Variants in PDE4B observed in about 807,000 individuals in gnomAD.
PDE4B encodes the protein 3',5'-cyclic-AMP phosphodiesterase 4B.
A neutral mutation model predicts 82.2 loss-of-function variants in PDE4B; 20 were observed. That is an observed-to-expected ratio of 0.24 (90% CI 0.17 to 0.35). The LOEUF is 0.35. Among genes scored for constraint, PDE4B ranks in the 10% least tolerant of loss-of-function variants. The probability of loss-of-function intolerance (pLI) is 1.00; values close to 1 mark genes in which losing one functional copy is unlikely to be tolerated. For synonymous variants in PDE4B, 320 were observed against 318.9 expected (o/e 1.00, Z -0.04); for missense variants, 655 against 907.2 (o/e 0.72, Z 3.57).
At chr1:66,099,029 T>G (rs900825420) in intron 3 of PDE4B, among the ~76,000 whole-genome samples, 1 of 152,168 alleles carries the variant, frequency 6.6e-6, no homozygotes, top group Non-Finnish European at 1.5e-5. Context: ...AACAATTTCA[T>G]TTCATTTTAA....
At chr1:65,983,566 A>T (rs12732753) in intron 3 of PDE4B, among the ~76,000 whole-genome samples, 6 of 152,120 alleles carry the variant, frequency 3.9e-5, no homozygotes, top group Non-Finnish European at 7.4e-5. Flanking sequence ...CTTTATTAAA[A>T]ACGGTAATTG....
At chr1:65,904,550 A>T (rs1014762667) in intron 1 of PDE4B, among the ~76,000 whole-genome samples, 2 of 152,078 alleles carry the variant, frequency 1.3e-5, no homozygotes, top group Non-Finnish European at 2.9e-5. Context: ...TTTCATCATT[A>T]AAAAAATCTT....
At chr1:65,836,545 G>A (rs769132239) in intron 1 of PDE4B, among the ~76,000 whole-genome samples, 3 of 152,086 alleles carry the variant, frequency 2.0e-5, no homozygotes, top group Non-Finnish European at 2.9e-5. Flanking sequence ...GGTAAACACC[G>A]GGGCATCCTA....
At chr1:65,926,022 A>G (rs371908741) in intron 3 of PDE4B, among the ~76,000 whole-genome samples, 2 of 151,988 alleles carry the variant, frequency 1.3e-5, no homozygotes, top group East Asian at 1.9e-4. Context: ...TAGCCCTTTG[A>G]AGTTCTGGTT....
intron 3 of PDE4B, among the ~76,000 whole-genome samples, chr1:66,156,013 G>A (rs536633461): frequency 1.3e-5 from 2 of 152,280 alleles, no homozygotes; most frequent in South Asian, 4.1e-4. Context: ...GTAGAAAAGG[G>A]ATGAAGTAAA....
At chr1:66,318,346 C>A (rs1489749349) in intron 7 of PDE4B, among the ~76,000 whole-genome samples, 3 of 152,138 alleles carry the variant, frequency 2.0e-5, no homozygotes, top group African/African-American at 7.2e-5. Context: ...TCACACACTG[C>A]CTGACTTATG....
chr1:65,959,223 G>A (rs1297491472), intron 3 of PDE4B, among the ~76,000 whole-genome samples: 3 of 152,106 alleles, frequency 2.0e-5, no homozygotes, highest in African/African-American at 7.2e-5. Flanking sequence ...TCTCTGATTA[G>A]CATTTATACA....
chr1:66,082,666 C>A (rs1656804897), intron 3 of PDE4B, among the ~76,000 whole-genome samples: 1 of 141,212 alleles, frequency 7.1e-6, no homozygotes. Context: ...ATATACAGTG[C>A]TTATAAAGCG....
chr1:66,132,895 G>C (rs1645979353), intron 3 of PDE4B, among the ~76,000 whole-genome samples: 1 of 152,168 alleles, frequency 6.6e-6, no homozygotes, highest in Non-Finnish European at 1.5e-5. Flanking sequence ...CATCCAACTT[G>C]TTTAACAGGC....
intron 7 of PDE4B, among the ~76,000 whole-genome samples, chr1:66,322,297 A>C (rs1557699797): frequency 6.6e-6 from 1 of 152,200 alleles, no homozygotes; most frequent in Non-Finnish European, 1.5e-5. Context: ...AATGGCAACA[A>C]ATGCCAAAAT....
At chr1:66,167,758 T>C (rs551497514) in intron 3 of PDE4B, among the ~76,000 whole-genome samples, 1 of 152,364 alleles carries the variant, frequency 6.6e-6, no homozygotes, top group East Asian at 1.9e-4. Flanking sequence ...GTTATGGTGG[T>C]AAATTAGCGT....
chr1:65,843,364 C>T (rs1274622401), intron 1 of PDE4B, among the ~76,000 whole-genome samples: 1 of 152,094 alleles, frequency 6.6e-6, no homozygotes, highest in South Asian at 2.1e-4. Flanking sequence ...CCTGGATACT[C>T]CAATACCTAT....
At chr1:65,816,399 G>A (rs1645886607) in intron 1 of PDE4B, among the ~76,000 whole-genome samples, 1 of 152,022 alleles carries the variant, frequency 6.6e-6, no homozygotes, top group African/African-American at 2.4e-5. Context: ...ATTCATAAAA[G>A]GTTTCAGAAG....
At chr1:65,935,456 T>C (rs923317476) in intron 3 of PDE4B, among the ~76,000 whole-genome samples, 2 of 151,766 alleles carry the variant, frequency 1.3e-5, no homozygotes, top group African/African-American at 4.8e-5. Flanking sequence ...AGTCAGTGAG[T>C]GAATGTGAAG....
At chr1:65,815,695 A>ATTTATT (rs1645875072) in intron 1 of PDE4B, among the ~76,000 whole-genome samples, 1 of 152,224 alleles carries the variant, frequency 6.6e-6, no homozygotes, top group Non-Finnish European at 1.5e-5. Flanking sequence ...AGCTAAAAAA[A>ATTTATT]TTTAAACTGA....
intron 7 of PDE4B, among the ~76,000 whole-genome samples, chr1:66,287,846 AC>A (rs1413155849): frequency 3.3e-5 from 5 of 151,908 alleles, no homozygotes; most frequent in Non-Finnish European, 5.9e-5. Context: ...GGTGGTGTGT[AC>A]TTGTAAGTCC....
intron 3 of PDE4B, among the ~76,000 whole-genome samples, chr1:66,034,022 A>G (rs1412380045): frequency 2.0e-5 from 3 of 151,950 alleles, no homozygotes; most frequent in African/African-American, 4.8e-5. Flanking sequence ...CTTAATCTTG[A>G]TCTTTGTGTT....
chr1:66,090,621 A>ATATGTGTG, intron 3 of PDE4B, among the ~76,000 whole-genome samples: 3 of 122,726 alleles, frequency 2.4e-5, no homozygotes, highest in African/African-American at 4.1e-5. Context: ...TATATAATAT[A>ATATGTGTG]TGTGTGTGTG....
intron 8 of PDE4B, among the ~76,000 whole-genome samples, chr1:66,335,256 T>C (rs1660430591): frequency 6.6e-6 from 1 of 152,232 alleles, no homozygotes; most frequent in South Asian, 2.1e-4. Flanking sequence ...AACTCTGTGT[T>C]CCTAGTTCTG....
Sources: gnomAD v4.1 joint callset for allele counts (sites outside exome capture counted in the v4.1 genomes callset) on GRCh38, gnomAD v4.1.1 for gene constraint, MANE v1.5 for transcripts, NCBI Gene and HGNC (gene_info 2026-07-23, HGNC 2026-07-21) for gene names.